Variants in KRABD4 observed in about 807,000 individuals in gnomAD.
KRABD4 encodes the protein KRAB domain containing 4.
At chrX:46,455,920 G>T in the KRABD4 span, 2 of 303,889 alleles carry the variant, frequency 6.6e-6, no homozygotes, top group East Asian at 8.0e-5. Flanking sequence ...AGGTGAATTG[G>T]CTGTAGGAAG....
chrX:46,473,449 G>T, the KRABD4 span: 1 of 1,092,239 alleles, frequency 9.2e-7, no homozygotes, highest in East Asian at 3.2e-5. Context: ...AAAGCCTTCA[G>T]TAGGAAGTCA....
At chrX:46,449,789 CAG>C in the KRABD4 span, among the ~76,000 whole-genome samples, 1 of 112,032 alleles carries the variant, frequency 8.9e-6, no homozygotes, top group African/African-American at 3.2e-5. Flanking sequence ...TTTGTTTAGA[CAG>C]GGATTCCCTC....
At chrX:46,461,202 T>C in the KRABD4 span, among the ~76,000 whole-genome samples, 2 of 110,206 alleles carry the variant, frequency 1.8e-5, no homozygotes, top group Non-Finnish European at 3.8e-5. Context: ...AAGCCATGGA[T>C]TGGGGTTTTC....
the KRABD4 span, among the ~76,000 whole-genome samples, chrX:46,465,195 G>A: frequency 1.9e-4 from 21 of 113,106 alleles, no homozygotes; most frequent in East Asian, 5.5e-3. Context: ...ATCTAGCTAA[G>A]TGCCAGTGGC....
chrX:46,468,350 C>A, the KRABD4 span, among the ~76,000 whole-genome samples: 2 of 110,266 alleles, frequency 1.8e-5, no homozygotes, highest in Non-Finnish European at 1.9e-5. Flanking sequence ...GCCAGGGCAA[C>A]ATAGTGAGAC....
At chrX:46,447,453 C>G in the KRABD4 span, 5 of 111,174 alleles carry the variant, frequency 4.5e-5, no homozygotes, top group African/African-American at 1.6e-4. Flanking sequence ...CAGGGTGGCT[C>G]TACAGCCCAG....
At chrX:46,461,791 T>G in the KRABD4 span, among the ~76,000 whole-genome samples, 140 of 111,779 alleles carry the variant, frequency 1.3e-3, no homozygotes, top group Non-Finnish European at 2.1e-3. Context: ...TGTTTAGAAC[T>G]GTTTGTTGTA....
chrX:46,462,437 G>T, the KRABD4 span: 1 of 256,462 alleles, frequency 3.9e-6, no homozygotes, highest in Middle Eastern at 5.6e-4. Context: ...TTGAACCCGG[G>T]AGGCAGAGGT....
the KRABD4 span, among the ~76,000 whole-genome samples, chrX:46,452,069 C>G: frequency 1.8e-5 from 2 of 112,094 alleles, no homozygotes; most frequent in African/African-American, 6.5e-5. Flanking sequence ...CTCAGCCTCC[C>G]AAGTAGCTGG....
chrX:46,466,601 C>T, the KRABD4 span, among the ~76,000 whole-genome samples: 1 of 112,387 alleles, frequency 8.9e-6, no homozygotes, highest in Non-Finnish European at 1.9e-5. Flanking sequence ...CATTAGTGCT[C>T]ATGAAGTATT....
chrX:46,454,755 C>T, the KRABD4 span, among the ~76,000 whole-genome samples: 3 of 111,622 alleles, frequency 2.7e-5, no homozygotes, highest in Admixed American at 9.5e-5. Context: ...GCTGAGATCG[C>T]GCCACTGCAC....
the KRABD4 span, among the ~76,000 whole-genome samples, chrX:46,471,769 C>T: frequency 1.8e-5 from 2 of 112,182 alleles, no homozygotes; most frequent in East Asian, 2.8e-4. Context: ...TAGCAATATG[C>T]GTTTAAGTTT....
chrX:46,472,800 A>C, the KRABD4 span: 25 of 1,211,913 alleles, frequency 2.1e-5, no homozygotes, highest in Non-Finnish European at 2.5e-5. Context: ...AAGCCAAGAC[A>C]AACTTCCTTG....
the KRABD4 span, among the ~76,000 whole-genome samples, chrX:46,466,442 C>A: frequency 1.8e-5 from 2 of 111,924 alleles, no homozygotes; most frequent in South Asian, 7.4e-4. Context: ...TATCCCCTGT[C>A]CATCTGCCAA....
chrX:46,463,458 C>T, the KRABD4 span: 1 of 541,319 alleles, frequency 1.8e-6, no homozygotes. Context: ...GAGGCCTCTG[C>T]CTGGCCGCCG....
the KRABD4 span, among the ~76,000 whole-genome samples, chrX:46,461,878 C>T: frequency 9.0e-6 from 1 of 111,296 alleles, no homozygotes; most frequent in Admixed American, 9.5e-5. Flanking sequence ...CACCCGGACC[C>T]CTTCCTACAT....
the KRABD4 span, among the ~76,000 whole-genome samples, chrX:46,465,224 C>T: frequency 8.8e-6 from 1 of 113,113 alleles, no homozygotes; most frequent in Admixed American, 9.3e-5. Flanking sequence ...TTAGCTCAAA[C>T]ACAACCCCTA....
the KRABD4 span, chrX:46,455,832 G>C: frequency 2.9e-6 from 1 of 347,406 alleles, no homozygotes; most frequent in Non-Finnish European, 5.3e-6. Context: ...AACAGGCATA[G>C]TAAGCATGAG....
At chrX:46,466,517 A>G in the KRABD4 span, among the ~76,000 whole-genome samples, 3 of 112,178 alleles carry the variant, frequency 2.7e-5, no homozygotes, top group Non-Finnish European at 5.6e-5. Context: ...AGTTACAGAG[A>G]TCAGTACCCT....
Sources: allele counts gnomAD v4.1 joint callset (sites outside exome capture counted in the v4.1 genomes callset), GRCh38; gene constraint gnomAD v4.1.1; transcripts MANE v1.5; gene names NCBI Gene and HGNC (gene_info 2026-07-23, HGNC 2026-07-21).